TRPA1: variants seen among roughly 807,000 people sequenced by gnomAD.
TRPA1 encodes the protein transient receptor potential cation channel subfamily A member 1, also known as ankyrin-like with transmembrane domains 1.
TRPA1 carries 129 observed loss-of-function variants against 131.3 expected under a neutral mutation model. The ratio of observed to expected loss-of-function variants is 0.98; its 90% CI spans 0.85 to 1.14. TRPA1 has a LOEUF of 1.14. Ranked by LOEUF, TRPA1 falls within the 50% of genes most tolerant of loss-of-function variation. The pLI is 0.00. For missense variants in TRPA1, 1,304 were observed against 1,354.2 expected, an observed-to-expected ratio of 0.96 and a Z score of 0.58; for synonymous variants, 441 against 451.7, an observed-to-expected ratio of 0.98 and a Z score of 0.30.
At chr8:72,033,368 G>T (rs751327446) in intron 23 of TRPA1, among the ~76,000 whole-genome samples, 1 of 152,054 alleles carries the variant, frequency 6.6e-6, no homozygotes, top group Non-Finnish European at 1.5e-5. Flanking sequence ...CTGAATATTG[G>T]TCTGCTTTCT....
At chr8:72,062,442 G>A in intron 6 of TRPA1, 1 of 220,344 alleles carries the variant, frequency 4.5e-6, no homozygotes, top group South Asian at 8.4e-5. Flanking sequence ...ATTTAAAAAT[G>A]ATAACTCTTC....
At chr8:72,058,966 G>C (rs1244711765) in intron 8 of TRPA1, among the ~76,000 whole-genome samples, 1 of 152,132 alleles carries the variant, frequency 6.6e-6, no homozygotes, top group African/African-American at 2.4e-5. Context: ...CAACTCCTCA[G>C]TTTTTAAAGG....
At chr8:72,078,323 C>A (rs912487193), upstream of TRPA1, among the ~76,000 whole-genome samples, 3 of 152,194 alleles carry the variant, frequency 2.0e-5, no homozygotes, top group Non-Finnish European at 4.4e-5. Context: ...TACAAGTATA[C>A]AACTATCTCC....
intron 22 of TRPA1, 94 bp from the exon 23 acceptor site, chr8:72,033,920 T>C (rs1299872342): frequency 1.6e-6 from 2 of 1,266,360 alleles, no homozygotes; most frequent in Non-Finnish European, 2.3e-6. Context: ...ATATTCAGAA[T>C]ACTTTTTTAA....
At chr8:72,057,997 G>T (rs984189967) in intron 8 of TRPA1, among the ~76,000 whole-genome samples, 181 bp from the exon 9 acceptor site, 24 of 152,096 alleles carry the variant, frequency 1.6e-4, no homozygotes, top group African/African-American at 1.7e-4. Context: ...TGTATCATCA[G>T]AAATCAAGAA....
chr8:72,089,475 G>C, the TRPA1 span, among the ~76,000 whole-genome samples: 839 of 152,100 alleles, frequency 5.5e-3, 8 homozygotes, highest in Middle Eastern at 0.01. Context: ...TTAGAATACT[G>C]AGCTACTTTA....
intron 2 of TRPA1, among the ~76,000 whole-genome samples, chr8:72,069,432 A>C (rs1443257719): frequency 1.3e-5 from 2 of 152,226 alleles, no homozygotes; most frequent in East Asian, 3.8e-4. Flanking sequence ...TATAGGTAGC[A>C]TTAATAAGAA....
In TRPA1 at chr8:72,033,707, A is replaced by G; in HGVS notation, c.2805T>C (p.Val935=). Residue 935 remains valine (V), a synonymous_variant, in exon 23 of 27, where the codon GTT becomes GTC. Coordinates refer to ENST00000262209, the MANE Select transcript of TRPA1 (RefSeq NM_007332.3). ...PYLRNELAHP[V]LSFAQLVSFT... is the part of the protein sequence containing the mutation. ...AGGAAACAAGTTGTGCAAAGGACAG[A>G]ACTGGATGTGCCAATTCATTTCTCA... 6.2e-7 allele frequency: 1 copy of G among 1,614,144 alleles called. No homozygotes were observed. The highest frequency in any genetic ancestry group is 8.5e-7 in the Non-Finnish European group (1 of 1,180,002).
rs750876436 is a variant in TRPA1, at chr8:72,055,796, A to C, written c.1254T>G (p.His418Gln). The change falls in exon 11 of 27, where the codon CAT becomes CAG. Residue 418 changes from histidine to glutamine, a missense_variant. By Grantham distance (24) the His-to-Gln change is conservative. Transcript: ENST00000262209. ...CAGGGCCCCCCTGTCTACATGCATAATGTAGAGGAGTACACCCATCGTTGT... is the reference window on the plus strand; with the variant it reads ...CAGGGCCCCCCTGTCTACATGCATACTGTAGAGGAGTACACCCATCGTTGT... ...DEDNDGCTPL[H>Q]YACRQGGPGS... is the part of the protein sequence containing the mutation. 7 of 1,613,368 alleles carry C rather than the reference A, an allele frequency of 4.3e-6. No individual in the cohort carries two copies. Among genetic ancestry groups the C allele is most frequent in the Non-Finnish European group, 5.1e-6 (6 of 1,179,534 alleles).
Position 72,023,925 on chromosome 8 carries a change from A to G in TRPA1, c.3052-14T>C, listed in dbSNP as rs762130096. ...ACAGAATATATGCTGTCGGATAAAA[A>G]ATAGTAGTTACTCAAATTGAATTCA... On this transcript the variant is annotated splice_polypyrimidine_tract_variant and intron_variant, in intron 25 of 26. Coordinates refer to ENST00000262209, the MANE Select transcript of TRPA1 (RefSeq NM_007332.3). 1 of 1,506,648 alleles carries G rather than the reference A, an allele frequency of 6.6e-7. No individual in the cohort carries two copies. The highest frequency in any genetic ancestry group is 1.1e-5 in the South Asian group (1 of 88,208). 93.3% of individuals were successfully genotyped at this position (1,506,648 alleles called of 1,614,324 possible).
At chr8:72,086,993 C>G in the TRPA1 span, among the ~76,000 whole-genome samples, 1 of 152,168 alleles carries the variant, frequency 6.6e-6, no homozygotes, top group Non-Finnish European at 1.5e-5. Context: ...ACCAGAGTCT[C>G]ACTCTCATTA....
Position 72,053,747 on chromosome 8 carries a change from A to C in TRPA1, c.1644+6T>G. The C allele has an allele frequency of 3.3e-4, 536 of 1,603,974 alleles. No homozygotes were observed. Among genetic ancestry groups the C allele is most frequent in the Non-Finnish European group, 4.3e-4 (502 of 1,172,460 alleles). Reference sequence around the variant, plus strand: ...TTTGGGTAAGCATGAGGACCGCAGTACATACCCCGTCTTCATCCAGGCGAT... The same window carrying C: ...TTTGGGTAAGCATGAGGACCGCAGTCCATACCCCGTCTTCATCCAGGCGAT... On this transcript the variant is annotated splice_donor_region_variant and intron_variant, in intron 13 of 26. Transcript: ENST00000262209.
At chr8:72,053,672 T>C (rs1013281401) in intron 13 of TRPA1, 81 bp downstream of exon 13, 5 of 989,254 alleles carry the variant, frequency 5.1e-6, no homozygotes, top group South Asian at 2.7e-5. Context: ...AGGTAAAAGG[T>C]GTCTAGGAGA....
intron 7 of TRPA1, chr8:72,060,535 AT>A (rs1805782991): frequency 6.6e-6 from 1 of 152,156 alleles, no homozygotes; most frequent in African/African-American, 2.4e-5. Flanking sequence ...CTGGATTCAT[AT>A]ACGACAATCT....
intron 12 of TRPA1, 178 bp downstream of exon 12, chr8:72,055,258 T>C: frequency 1.6e-6 from 1 of 618,560 alleles, no homozygotes; most frequent in Non-Finnish European, 2.8e-6. Context: ...TTGGAAATAA[T>C]ACTGACTTCC....
At chr8:72,034,195 T>A in intron 22 of TRPA1, 53 bp downstream of exon 22, 1 of 1,494,418 alleles carries the variant, frequency 6.7e-7, no homozygotes, top group Non-Finnish European at 9.2e-7. Context: ...AATATAAATA[T>A]ATATTTCCAT....
chr8:72,055,113 C>CA lies in TRPA1; in HGVS notation c.1529+322dup, dbSNP rs1805629138. 2.2e-5 allele frequency: 7 copies of CA among 321,968 alleles called. No individual in the cohort carries two copies. In the South Asian group the frequency reaches 2.2e-4, roughly 10 times the overall value. The allele number at this position is 321,968 out of a possible 1,614,324, so 19.9% of individuals were successfully genotyped here. ...TTGTATCTATATAGGAATATGGCAG[C>CA]ATGATGAGGTAAAATATGAGAAACT... On this transcript the variant is annotated intron_variant, in intron 12 of 26. Coordinates refer to ENST00000262209, the MANE Select transcript of TRPA1 (RefSeq NM_007332.3).
chr8:72,070,950 G>A (rs959822689), intron 2 of TRPA1, among the ~76,000 whole-genome samples: 1 of 152,032 alleles, frequency 6.6e-6, no homozygotes, highest in African/African-American at 2.4e-5. Flanking sequence ...TCTTCCTTTT[G>A]GGGGATGATT....
chr8:72,079,772 T>C (rs183981102), upstream of TRPA1, among the ~76,000 whole-genome samples: 506 of 152,058 alleles, frequency 3.3e-3, no homozygotes, highest in African/African-American at 0.012. Flanking sequence ...GTTTAAAATA[T>C]TGAGTCTTCT....
Sources: allele counts gnomAD v4.1 joint callset (sites outside exome capture counted in the v4.1 genomes callset), GRCh38; gene constraint gnomAD v4.1.1; transcripts MANE v1.5; gene names NCBI Gene and HGNC (gene_info 2026-07-23, HGNC 2026-07-21).